The following CASK variants were observed in gnomAD, a reference collection of about 807,000 sequenced individuals.
CASK encodes the protein peripheral plasma membrane protein CASK.
Under a neutral mutation model 82.9 loss-of-function variants are expected in CASK, and 4 were observed. The ratio of observed to expected loss-of-function variants is 0.05; its 90% CI spans 0.02 to 0.11. The LOEUF (loss-of-function observed/expected upper bound fraction) is 0.11. Among genes scored for constraint, CASK ranks in the 10% least tolerant of loss-of-function variants. The pLI is 1.00. For synonymous variants in CASK, 259 were observed against 253.5 expected (o/e 1.02, Z -0.20); for missense variants, 358 against 720.9 (o/e 0.50, Z 5.76).
At chrX:41,587,090 C>G (rs956576499) in intron 13 of CASK, 103 bp from the exon 14 acceptor site, 4 of 512,063 alleles carry the variant, frequency 7.8e-6, no homozygotes, top group Non-Finnish European at 1.3e-5. Context: ...TTATGGCAGG[C>G]AAAACAATTA....
rs188490358 is a variant in CASK, at chrX:41,788,111, C to T, written c.173-828G>A. Among the ~76,000 whole-genome samples, 644 of 101,420 alleles carry T rather than the reference C, an allele frequency of 6.3e-3. 9 individuals carry two copies. The highest frequency in any genetic ancestry group is 0.022 in the African/African-American group (609 of 27,235). 88.1% of individuals were successfully genotyped at this position (101,420 alleles called of 115,157 possible). ...GGCAGAAGTTGCAGTGAGCCGGGAT[C>T]GCGTCATTGCACTCCAGCCTGGGCA... On this transcript the variant is annotated intron_variant, in intron 2 of 26. Transcript: ENST00000378163.
Position 41,520,616 on chromosome X carries a change from A to T in CASK, c.2605-20T>A. The T allele has an allele frequency of 1.7e-6, 2 of 1,172,062 alleles. No homozygotes were observed. Among genetic ancestry groups the T allele is most frequent in the Non-Finnish European group, 1.2e-6 (1 of 862,497 alleles). ...TTCATCCTAAATGGTGATGAGATGG[A>T]GGTAGGGGTGGGCATGAGAGGAGGG... On this transcript the variant is annotated intron_variant, in intron 26 of 26. Coordinates refer to ENST00000378163, the MANE Select transcript of CASK (RefSeq NM_001367721.1).
intron 1 of CASK, among the ~76,000 whole-genome samples, chrX:41,898,968 T>C (rs1266618942): frequency 8.9e-6 from 1 of 111,945 alleles, no homozygotes; most frequent in Non-Finnish European, 1.9e-5. Context: ...AGTACAAATC[T>C]GCTATTTCCT....
intron 6 of CASK, among the ~76,000 whole-genome samples, chrX:41,669,933 T>C (rs1027747276): frequency 2.7e-5 from 3 of 111,789 alleles, no homozygotes; most frequent in Non-Finnish European, 5.6e-5. Flanking sequence ...TAGGGGGACA[T>C]GGTAGTTGTC....
intron 9 of CASK, among the ~76,000 whole-genome samples, chrX:41,631,551 C>T (rs950685156): frequency 3.6e-5 from 4 of 111,801 alleles, no homozygotes; most frequent in Non-Finnish European, 7.5e-5. Context: ...TCACTGCAAC[C>T]TCCGCCTCCC....
rs1480864610 is a variant in CASK, at chrX:41,534,333, T to C, written c.2317+373A>G. Among the ~76,000 whole-genome samples, 7 of 110,051 alleles carry C rather than the reference T, an allele frequency of 6.4e-5. No homozygotes were observed. The Admixed American group carries it at 6.9e-4, about 11-fold the overall frequency. On this transcript the variant is annotated intron_variant, in intron 24 of 26. Transcript: ENST00000378163. ...AAGAATAATTCATCTAGGTAATGTG[T>C]ATGACATATTGTTAGAAAAATTGTT... is the stretch of plus-strand genomic sequence containing the variant.
chrX:41,861,901 A>G (rs1254940445), intron 1 of CASK, among the ~76,000 whole-genome samples: 2 of 102,864 alleles, frequency 1.9e-5, no homozygotes, highest in Admixed American at 2.2e-4. Context: ...TATATAATAT[A>G]TAGTATATAT....
chrX:41,914,985 G>A (rs756153630), intron 1 of CASK, among the ~76,000 whole-genome samples: 16 of 111,700 alleles, frequency 1.4e-4, no homozygotes, highest in African/African-American at 3.9e-4. Flanking sequence ...TTTGATAAGT[G>A]CTTTAAATTG....
intron 11 of CASK, among the ~76,000 whole-genome samples, chrX:41,613,848 T>C (rs750364180): frequency 3.0e-4 from 34 of 111,624 alleles, no homozygotes; most frequent in Non-Finnish European, 5.5e-4. Context: ...TTTTCTACAA[T>C]AGCAAAACAA....
chrX:41,862,953 T>C (rs2071521811), intron 1 of CASK, among the ~76,000 whole-genome samples: 1 of 111,683 alleles, frequency 9.0e-6, no homozygotes, highest in Admixed American at 9.5e-5. Context: ...ATGGCTATGT[T>C]TGGAAAATAT....
intron 3 of CASK, among the ~76,000 whole-genome samples, chrX:41,747,640 A>G (rs1022906648): frequency 9.0e-6 from 1 of 111,591 alleles, no homozygotes; most frequent in Non-Finnish European, 1.9e-5. Context: ...ACGGGGTTTC[A>G]CCGTGTTAGC....
At chrX:41,763,750 C>T (rs1358095373) in intron 3 of CASK, among the ~76,000 whole-genome samples, 5 of 111,966 alleles carry the variant, frequency 4.5e-5, no homozygotes, top group Non-Finnish European at 7.5e-5. Flanking sequence ...ACTTGGCAAA[C>T]TCCTGGTCAT....
In CASK at chrX:41,578,266, A is replaced by G. The variant is rs910986643; in HGVS notation, c.1503+74T>C. 8 of 752,307 alleles carry G rather than the reference A, an allele frequency of 1.1e-5. No individual in the cohort carries two copies. In the Admixed American group the frequency reaches 1.9e-4, roughly 18 times the overall value. The allele number at this position is 752,307 out of a possible 1,213,427, so 62.0% of individuals were successfully genotyped here. A position where few individuals can be genotyped will look rare whatever the true frequency, so the allele number is the denominator to read the frequency against. On this transcript the variant is annotated intron_variant, in intron 15 of 26. Transcript: ENST00000378163. ...CCTTCCCTCCCCAACTCCTAGTAGC[A>G]TAGGTTGAAGTTAGTTGATATAACT... is the stretch of plus-strand genomic sequence containing the variant.
intron 1 of CASK, 66 bp from the exon 2 acceptor site, chrX:41,853,293 T>C: frequency 1.6e-6 from 1 of 638,231 alleles, no homozygotes; most frequent in Non-Finnish European, 2.6e-6. Flanking sequence ...ATTAATGTCT[T>C]ACTGTTTCAT....
intron 22 of CASK, among the ~76,000 whole-genome samples, chrX:41,536,364 T>C (rs771574774): frequency 9.0e-6 from 1 of 111,245 alleles, no homozygotes; most frequent in South Asian, 3.8e-4. Flanking sequence ...GGCCTTGGCC[T>C]CCCGAAGTGT....
At chrX:41,784,805 G>T (rs1344448444) in intron 3 of CASK, among the ~76,000 whole-genome samples, 1 of 109,649 alleles carries the variant, frequency 9.1e-6, no homozygotes, top group East Asian at 2.9e-4. Context: ...GAACCCAGGG[G>T]GCGGAGGTTG....
intron 15 of CASK, among the ~76,000 whole-genome samples, chrX:41,573,997 C>T (rs746487620): frequency 6.3e-5 from 7 of 111,291 alleles, no homozygotes; most frequent in Admixed American, 4.8e-4. Context: ...GTAGTGCAGG[C>T]GCTGTTCCTT....
intron 1 of CASK, among the ~76,000 whole-genome samples, chrX:41,895,342 G>A (rs1601950384): frequency 9.0e-6 from 1 of 111,590 alleles, no homozygotes; most frequent in East Asian, 2.8e-4. Flanking sequence ...TCAAGTCAGA[G>A]AAATCTATAA....
At chrX:41,813,479 C>A (rs1367100553) in intron 2 of CASK, among the ~76,000 whole-genome samples, 1 of 111,107 alleles carries the variant, frequency 9.0e-6, no homozygotes, top group Admixed American at 9.6e-5. Context: ...CTGACAAAAA[C>A]AAGAAATAGG....
Sources: gnomAD v4.1 joint callset for allele counts (sites outside exome capture counted in the v4.1 genomes callset) on GRCh38, gnomAD v4.1.1 for gene constraint, MANE v1.5 for transcripts, NCBI Gene and HGNC (gene_info 2026-07-23, HGNC 2026-07-21) for gene names.